Variants in ATP11A observed in about 807,000 individuals in gnomAD.
ATP11A encodes ATPase phospholipid transporting 11A, also known as phospholipid-transporting ATPase IH.
In ATP11A, 81 loss-of-function variants were observed where a neutral mutation model predicts 154.4. That is an observed-to-expected ratio of 0.52 (90% CI 0.44 to 0.63). The LOEUF (loss-of-function observed/expected upper bound fraction) is 0.63, where lower values mean the gene tolerates loss of function less well. Among genes scored for constraint, ATP11A ranks in the 30% least tolerant of loss-of-function variants. The pLI is 0.00. For synonymous variants in ATP11A, 623 were observed against 585.9 expected (o/e 1.06, Z -0.91); for missense variants, 1,316 against 1,474.3 (o/e 0.89, Z 1.76).
intron 25 of ATP11A, among the ~76,000 whole-genome samples, chr13:112,864,612 C>CA (rs2080254480): frequency 2.0e-5 from 1 of 49,936 alleles, no homozygotes; most frequent in Non-Finnish European, 3.1e-5. Context: ...TAATTCAGTG[C>CA]GGCCCATACA....
At chr13:112,757,204 G>T (rs1291851582) in intron 1 of ATP11A, among the ~76,000 whole-genome samples, 9 of 152,362 alleles carry the variant, frequency 5.9e-5, no homozygotes, top group Non-Finnish European at 5.9e-5. Context: ...GAAAGCAGGG[G>T]CGAGCGTCTG....
Position 112,785,143 on chromosome 13 carries a change from A to G in ATP11A, c.48A>G (p.Gly16=). 6.4e-7 allele frequency: 1 copy of G among 1,550,470 alleles called. No individual in the cohort carries two copies. Among genetic ancestry groups the G allele is most frequent in the Non-Finnish European group, 8.7e-7 (1 of 1,150,012 alleles). Residue 16 remains glycine (G), a synonymous_variant, in exon 2 of 30, where the codon GGA becomes GGG. Coordinates refer to ENST00000375645, the MANE Select transcript of ATP11A (RefSeq NM_015205.3). This position sits in a 1 kb window ranked among gnomAD's most constrained non-coding sequence, Gnocchi z 4.8. ...VRTLVHRYCA[G]EENWVDSRTI... ...CGCTCTCCTTTCCGCAGTGTGCAGG[A>G]GAAGAGAATTGGGTGGACAGCAGGA...
chr13:112,830,026 T>G (rs1046263103), intron 12 of ATP11A, among the ~76,000 whole-genome samples: 3 of 152,248 alleles, frequency 2.0e-5, no homozygotes, highest in Admixed American at 6.5e-5. Flanking sequence ...TAAGCTTTTG[T>G]TTCCACGTTC....
At chr13:112,824,590 A>G (rs1490888542) in intron 10 of ATP11A, among the ~76,000 whole-genome samples, 165 bp downstream of exon 10, 1 of 152,138 alleles carries the variant, frequency 6.6e-6, no homozygotes, top group Non-Finnish European at 1.5e-5. Flanking sequence ...TTTTGTGGTG[A>G]GGTGGATGGC....
At chr13:112,705,678 G>A (rs540911569) in intron 1 of ATP11A, among the ~76,000 whole-genome samples, 55 of 152,312 alleles carry the variant, frequency 3.6e-4, no homozygotes, top group African/African-American at 1.3e-3. Flanking sequence ...ACCTAAGCAG[G>A]TGTCGACTGC....
intron 1 of ATP11A, among the ~76,000 whole-genome samples, chr13:112,700,088 C>T (rs761351484): frequency 1.4e-5 from 2 of 140,090 alleles, no homozygotes; most frequent in Non-Finnish European, 3.0e-5. Flanking sequence ...AAAATAAGAT[C>T]ATTTTTCCTG....
At chr13:112,855,080 A>T (rs1025410422) in intron 19 of ATP11A, among the ~76,000 whole-genome samples, 1 of 152,268 alleles carries the variant, frequency 6.6e-6, no homozygotes, top group Non-Finnish European at 1.5e-5. Context: ...ATTCATGTAC[A>T]TAAAGCGAAA....
intron 2 of ATP11A, among the ~76,000 whole-genome samples, chr13:112,790,493 C>T (rs1035884184): frequency 4.1e-5 from 6 of 147,852 alleles, no homozygotes; most frequent in Admixed American, 6.6e-5. Context: ...TAATTCACAC[C>T]GGGTGTCCTG....
chr13:112,862,099 T>C (rs79048137), intron 24 of ATP11A, among the ~76,000 whole-genome samples: 1 of 152,238 alleles, frequency 6.6e-6, no homozygotes. Flanking sequence ...AGGCGTAAGG[T>C]GTCACAAGCT....
chr13:112,791,152 A>G (rs1048100520), intron 2 of ATP11A, among the ~76,000 whole-genome samples: 1 of 152,214 alleles, frequency 6.6e-6, no homozygotes, highest in Non-Finnish European at 1.5e-5. Context: ...AATCCCAAAC[A>G]TACTGCTTAG....
intron 1 of ATP11A, among the ~76,000 whole-genome samples, chr13:112,780,513 TG>T (rs776848078): frequency 2.0e-5 from 3 of 152,200 alleles, no homozygotes; most frequent in Non-Finnish European, 2.9e-5. Flanking sequence ...TTCCTTTCCG[TG>T]TATCCCTTCA....
chr13:112,876,837 T>G (rs543551347), intron 28 of ATP11A, among the ~76,000 whole-genome samples: 136 of 152,234 alleles, frequency 8.9e-4, no homozygotes, highest in African/African-American at 3.2e-3. Flanking sequence ...ACCCGGGGGC[T>G]GGCTCCCAGC....
intron 23 of ATP11A, 151 bp from the exon 24 acceptor site, chr13:112,860,136 T>G: frequency 9.2e-6 from 7 of 758,622 alleles, no homozygotes; most frequent in African/African-American, 1.7e-5. Flanking sequence ...AAATCACAGT[T>G]GATATCACAG....
At chr13:112,814,392 C>T (rs1594778271) in intron 5 of ATP11A, among the ~76,000 whole-genome samples, 2 of 151,760 alleles carry the variant, frequency 1.3e-5, no homozygotes, top group African/African-American at 2.4e-5. Context: ...GAGGACTGTA[C>T]GTTCAGTGTC....
Position 112,817,601 on chromosome 13 carries a change from C to T in ATP11A, c.570+1390C>T, listed in dbSNP as rs114443919. On this transcript the variant is annotated intron_variant, in intron 6 of 29. Transcript: ENST00000375645. ...GCCCTTCACACTCTCTGCAGCCAGT[C>T]GCTGCCTTTACACCCCTTCCCTGCA... Among the ~76,000 whole-genome samples, 1,347 of 152,312 alleles carry T rather than the reference C, an allele frequency of 8.8e-3. 16 individuals carry two copies. The highest frequency in any genetic ancestry group is 0.031 in the African/African-American group (1,303 of 41,562).
rs539273857 is a variant in ATP11A at position 112,880,881 on chromosome 13, C to T, written c.*10-995C>T. On this transcript the variant is annotated intron_variant, in intron 29 of 29. Coordinates refer to ENST00000375645, the MANE Select transcript of ATP11A (RefSeq NM_015205.3). ...CACACGTGTGCACACTCACCCCACA[C>T]GCACGGCACACAGCCTGACCAGACC... 14 of 1,022,388 alleles carry T rather than the reference C, an allele frequency of 1.4e-5. No homozygotes were observed. The Admixed American group carries it at 3.8e-4, about 28-fold the overall frequency. 63.3% of individuals were successfully genotyped at this position (1,022,388 alleles called of 1,614,324 possible).
chr13:112,757,361 C>T (rs1464302974), intron 1 of ATP11A, among the ~76,000 whole-genome samples: 1 of 152,258 alleles, frequency 6.6e-6, no homozygotes, highest in East Asian at 1.9e-4. Context: ...TTCTAGAAGG[C>T]AATGTGTTTA....
chr13:112,841,048 C>A (rs58865138), intron 16 of ATP11A, among the ~76,000 whole-genome samples: 4,215 of 152,376 alleles, frequency 0.028, 158 homozygotes, highest in African/African-American at 0.078. Context: ...CCCACCCTGC[C>A]GTCACCGCGC....
chr13:112,799,118 C>G (rs952408264), intron 2 of ATP11A, among the ~76,000 whole-genome samples: 1 of 152,198 alleles, frequency 6.6e-6, no homozygotes, highest in African/African-American at 2.4e-5. Context: ...CATAACAATT[C>G]TCAAAGTCTC....
Sources: allele counts gnomAD v4.1 joint callset (sites outside exome capture counted in the v4.1 genomes callset), GRCh38; gene constraint gnomAD v4.1.1; non-coding constraint Gnocchi (gnomAD v3.1); transcripts MANE v1.5; gene names NCBI Gene and HGNC (gene_info 2026-07-23, HGNC 2026-07-21).